The following METTL15 variants were observed in gnomAD, a reference collection of about 807,000 sequenced individuals.
The protein encoded by METTL15 is 12S rRNA N(4)-cytidine methyltransferase METTL15.
A neutral mutation model predicts 38.3 loss-of-function variants in METTL15; 34 were observed. The observed-to-expected ratio is 0.89, with a 90% CI of 0.68 to 1.18. The LOEUF (loss-of-function observed/expected upper bound fraction) is 1.18. Ranked by LOEUF, METTL15 falls within the 50% of genes most tolerant of loss-of-function variation. METTL15 has a pLI of 0.00. For missense variants in METTL15, 438 were observed against 498.4 expected (o/e 0.88, Z 1.15); for synonymous variants, 162 against 170.9 (o/e 0.95, Z 0.41).
chr11:28,510,596 G>T (rs2133500143), intron 6 of METTL15, among the ~76,000 whole-genome samples: 1 of 152,254 alleles, frequency 6.6e-6, no homozygotes. Context: ...TTATGTTGAT[G>T]ATTACCACAT....
chr11:28,351,578 T>C (rs1235981223), intron 3 of METTL15, among the ~76,000 whole-genome samples: 2 of 152,256 alleles, frequency 1.3e-5, no homozygotes, highest in African/African-American at 4.8e-5. Flanking sequence ...TAAACCTTAC[T>C]ATACTATCCA....
chr11:28,295,071 T>A (rs966069044), intron 5 of METTL15, among the ~76,000 whole-genome samples: 1 of 152,020 alleles, frequency 6.6e-6, no homozygotes, highest in African/African-American at 2.4e-5. Context: ...CACAAATAGG[T>A]CAGTTTTAGC....
chr11:28,328,144 T>A (rs766894193), intron 6 of METTL15: 3 of 1,611,514 alleles, frequency 1.9e-6, no homozygotes. Flanking sequence ...ATTAGGAAAA[T>A]GGACGAATTG....
chr11:28,238,987 C>T (rs1169015796), intron 4 of METTL15, among the ~76,000 whole-genome samples: 1 of 151,950 alleles, frequency 6.6e-6, no homozygotes, highest in Non-Finnish European at 1.5e-5. Context: ...TGTACTGTTC[C>T]TTGTCAAACT....
At chr11:28,115,891 CACAT>C (rs1279223656) in intron 3 of METTL15, among the ~76,000 whole-genome samples, 1 of 150,128 alleles carries the variant, frequency 6.7e-6, no homozygotes, top group East Asian at 2.0e-4. Flanking sequence ...TATATATATA[CACAT>C]ACATATATGC....
chr11:28,238,732 C>G (rs535100755), intron 4 of METTL15, among the ~76,000 whole-genome samples: 16 of 152,290 alleles, frequency 1.1e-4, no homozygotes, highest in Non-Finnish European at 2.1e-4. Flanking sequence ...CGGAGCTGTT[C>G]CTATTTGGGC....
In METTL15 at chr11:28,290,306, C is replaced by G. The variant is rs149012115; in HGVS notation, c.508C>G (p.Leu170Val). The G allele has an allele frequency of 1.1e-5, 18 of 1,613,408 alleles. No homozygotes were observed. In the African/African-American group the frequency reaches 1.7e-4, roughly 16 times the overall value. The change falls in exon 5 of 7, where the codon CTT becomes GTT. Residue 170 changes from leucine to valine, a missense_variant. Coordinates refer to ENST00000407364, the MANE Select transcript of METTL15 (RefSeq NM_001113528.2). Reference sequence around the variant, plus strand: ...AACTTTTGATGGAGTTCTTATGGATCTTGGGTGTTCCTCCATGCAACTTGA... The same window carrying G: ...AACTTTTGATGGAGTTCTTATGGATGTTGGGTGTTCCTCCATGCAACTTGA... ...PGTFDGVLMD[L>V]GCSSMQLDTP...
intron 3 of METTL15, among the ~76,000 whole-genome samples, chr11:28,150,587 A>G (rs1850046677): frequency 6.6e-6 from 1 of 151,920 alleles, no homozygotes; most frequent in African/African-American, 2.4e-5. Flanking sequence ...GTGATTTTAA[A>G]AAATGAAAAA....
At chr11:28,142,986 G>C (rs1228832440) in intron 3 of METTL15, among the ~76,000 whole-genome samples, 5 of 152,056 alleles carry the variant, frequency 3.3e-5, no homozygotes, top group Admixed American at 2.0e-4. Context: ...CAGATAGGAG[G>C]GGTTTTGAAT....
intron 5 of METTL15, among the ~76,000 whole-genome samples, chr11:28,401,698 C>T (rs1169602653): frequency 6.6e-6 from 1 of 151,744 alleles, no homozygotes; most frequent in Admixed American, 6.6e-5. Context: ...ACTTATTTGG[C>T]TTTGATGAAG....
intron 5 of METTL15, among the ~76,000 whole-genome samples, chr11:28,366,375 A>C (rs1850185657): frequency 6.6e-6 from 1 of 152,136 alleles, no homozygotes; most frequent in African/African-American, 2.4e-5. Context: ...TGCCCTGTGT[A>C]ATTAACAATA....
At chr11:28,299,370 T>C (rs555262931) in intron 6 of METTL15, among the ~76,000 whole-genome samples, 22 of 152,148 alleles carry the variant, frequency 1.4e-4, no homozygotes, top group Non-Finnish European at 2.9e-4. Flanking sequence ...GAATTTTTTT[T>C]AAGTGATTCA....
At chr11:28,448,256 G>A (rs1851091178) in intron 6 of METTL15, among the ~76,000 whole-genome samples, 2 of 152,136 alleles carry the variant, frequency 1.3e-5, no homozygotes, top group Admixed American at 6.5e-5. Context: ...TGGTATCTTT[G>A]TTCTGTTCTC....
chr11:28,203,706 T>A (rs573637097), intron 3 of METTL15, among the ~76,000 whole-genome samples: 1 of 152,192 alleles, frequency 6.6e-6, no homozygotes, highest in East Asian at 1.9e-4. Flanking sequence ...AAATGTGGTG[T>A]CTGTGTCTGT....
At chr11:28,183,970 C>T (rs1320133947) in intron 3 of METTL15, among the ~76,000 whole-genome samples, 4 of 151,996 alleles carry the variant, frequency 2.6e-5, no homozygotes, top group African/African-American at 9.7e-5. Context: ...TCAACTTCTT[C>T]GTGTTTTACT....
chr11:28,394,470 C>G lies in METTL15; in HGVS notation c.*359-29829C>G, dbSNP rs527930309. On this transcript the variant is annotated intron_variant and NMD_transcript_variant, in intron 5 of 7. Transcript: ENST00000532947. Reference sequence around the variant, plus strand: ...CTTTTTGTTATTTCACTCACACACTCTGGCTCACAAGGAGGGGGGTGGAAG... The same window carrying G: ...CTTTTTGTTATTTCACTCACACACTGTGGCTCACAAGGAGGGGGGTGGAAG... Among the ~76,000 whole-genome samples the G allele has an allele frequency of 2.6e-5, 4 of 152,114 alleles. No homozygotes were observed. In the South Asian group the frequency reaches 8.3e-4, roughly 32 times the overall value.
intron 4 of METTL15, among the ~76,000 whole-genome samples, chr11:28,228,591 T>C (rs1394002271): frequency 6.6e-6 from 1 of 151,864 alleles, no homozygotes; most frequent in Non-Finnish European, 1.5e-5. Flanking sequence ...TGTATACATA[T>C]ATACATATAC....
intron 3 of METTL15, among the ~76,000 whole-genome samples, chr11:28,197,018 T>C (rs547917767): frequency 6.6e-6 from 1 of 152,078 alleles, no homozygotes; most frequent in East Asian, 1.9e-4. Flanking sequence ...ATATTTACAT[T>C]TTGAAACTAT....
intron 3 of METTL15, 110 bp downstream of exon 3, chr11:28,113,714 A>G: frequency 5.1e-6 from 6 of 1,184,660 alleles, no homozygotes; most frequent in Non-Finnish European, 4.7e-6. Flanking sequence ...ATACAGATGA[A>G]TCCCAACTTT....
Sources: allele counts gnomAD v4.1 joint callset (sites outside exome capture counted in the v4.1 genomes callset), GRCh38; gene constraint gnomAD v4.1.1; transcripts MANE v1.5; gene names NCBI Gene and HGNC (gene_info 2026-07-23, HGNC 2026-07-21).